PMFBP1: variants seen among roughly 807,000 people sequenced by gnomAD.
The protein encoded by PMFBP1 is polyamine modulated factor 1 binding protein 1, also known as polyamine-modulated factor 1-binding protein 1.
PMFBP1 carries 131 observed loss-of-function variants against 137.8 expected under a neutral mutation model. The observed-to-expected ratio is 0.95, with a 90% confidence interval of 0.82 to 1.10. The LOEUF (loss-of-function observed/expected upper bound fraction) is 1.10. Among genes scored for constraint, PMFBP1 ranks in the 50% least tolerant of loss-of-function variants. The pLI, the probability that PMFBP1 is intolerant of heterozygous loss-of-function variation, is 0.00. For missense variants in PMFBP1, 1,199 were observed against 1,175.4 expected, an observed-to-expected ratio of 1.02 and a Z score of -0.29; for synonymous variants, 490 against 450.4, an observed-to-expected ratio of 1.09 and a Z score of -1.11.
chr16:72,179,013 G>A (rs2043267691), upstream of PMFBP1, among the ~76,000 whole-genome samples: 1 of 152,170 alleles, frequency 6.6e-6, no homozygotes, highest in African/African-American at 2.4e-5. Flanking sequence ...CCCTGGGCTG[G>A]CACTATGCAA....
chr16:72,200,118 T>TG, the PMFBP1 span, among the ~76,000 whole-genome samples: 1 of 152,240 alleles, frequency 6.6e-6, no homozygotes, highest in Non-Finnish European at 1.5e-5. Flanking sequence ...ATGGAGCCTC[T>TG]GAGGGGCCTT....
intron 12 of PMFBP1, 54 bp downstream of exon 12, chr16:72,130,159 T>C (rs575743616): frequency 3.1e-6 from 5 of 1,599,826 alleles, no homozygotes; most frequent in East Asian, 4.5e-5. Flanking sequence ...CTAGTCTGTG[T>C]TTTATCTTAA....
chr16:72,215,399 A>G, the PMFBP1 span, among the ~76,000 whole-genome samples: 1 of 152,012 alleles, frequency 6.6e-6, no homozygotes, highest in Non-Finnish European at 1.5e-5. Context: ...TGTTTACAAA[A>G]GAATAGCCAT....
the PMFBP1 span, among the ~76,000 whole-genome samples, chr16:72,242,201 G>A: frequency 6.6e-6 from 1 of 152,168 alleles, no homozygotes; most frequent in Non-Finnish European, 1.5e-5. Context: ...CTGGCAGAAG[G>A]GATGGGATCA....
At chr16:72,172,011 G>A (rs1485671055) in intron 1 of PMFBP1, 43 bp downstream of exon 1, 1 of 152,132 alleles carries the variant, frequency 6.6e-6, no homozygotes, top group Non-Finnish European at 1.5e-5. Context: ...CATTCATTCT[G>A]TTTTTAACCC....
chr16:72,150,837 T>C lies in PMFBP1; in HGVS notation c.415-8A>G. On this transcript the variant is annotated splice_polypyrimidine_tract_variant and splice_region_variant and intron_variant, in intron 4 of 20. Transcript: ENST00000237353. ...CTCCTCATAGAGAATCACCTGTAGG[T>C]GTAGGAATAAATCCACATTGAGCCC... 6.2e-7 allele frequency: 1 copy of C among 1,609,622 alleles called. No individual in the cohort carries two copies. Among genetic ancestry groups the C allele is most frequent in the Non-Finnish European group, 8.5e-7 (1 of 1,177,576 alleles).
At chr16:72,242,991 C>G in the PMFBP1 span, among the ~76,000 whole-genome samples, 1 of 152,176 alleles carries the variant, frequency 6.6e-6, no homozygotes, top group African/African-American at 2.4e-5. Flanking sequence ...TGACTGCAAG[C>G]CTGGTGAGCT....
At chr16:72,217,989 A>G in the PMFBP1 span, among the ~76,000 whole-genome samples, 2 of 152,226 alleles carry the variant, frequency 1.3e-5, no homozygotes, top group African/African-American at 2.4e-5. Flanking sequence ...CGGGGTCAGG[A>G]AGAAATGCAC....
At chr16:72,128,295 C>A in intron 14 of PMFBP1, 2 of 1,015,854 alleles carry the variant, frequency 2.0e-6, no homozygotes, top group South Asian at 3.4e-5. Flanking sequence ...AACTGTCCCC[C>A]CTTTCATCTC....
chr16:72,215,685 G>A, the PMFBP1 span, among the ~76,000 whole-genome samples: 2 of 152,164 alleles, frequency 1.3e-5, no homozygotes, highest in Non-Finnish European at 2.9e-5. Flanking sequence ...AACAAAGTAG[G>A]TGAAACATGT....
chr16:72,169,674 AAC>A (rs34867741), intron 2 of PMFBP1, among the ~76,000 whole-genome samples: 75,037 of 150,256 alleles, frequency 0.5, 19,440 homozygotes, highest in African/African-American at 0.66. Flanking sequence ...AAGAAAGATA[AAC>A]ACACACACAC....
At chr16:72,238,823 G>A in the PMFBP1 span, among the ~76,000 whole-genome samples, 4 of 152,094 alleles carry the variant, frequency 2.6e-5, no homozygotes, top group African/African-American at 7.2e-5. Flanking sequence ...GCTCCCCATG[G>A]AGCAATGTCT....
intron 5 of PMFBP1, among the ~76,000 whole-genome samples, chr16:72,144,565 A>G (rs1164991230): frequency 3.3e-5 from 5 of 152,216 alleles, no homozygotes. Context: ...ATATTTATTT[A>G]AATAATAAAA....
intron 5 of PMFBP1, among the ~76,000 whole-genome samples, chr16:72,146,347 A>G (rs1262702200): frequency 6.6e-6 from 1 of 152,224 alleles, no homozygotes; most frequent in South Asian, 2.1e-4. Context: ...AAATCTCTCA[A>G]TAAACTAGGT....
At chr16:72,237,729 A>C in the PMFBP1 span, among the ~76,000 whole-genome samples, 1 of 152,018 alleles carries the variant, frequency 6.6e-6, no homozygotes, top group Non-Finnish European at 1.5e-5. Flanking sequence ...TGTTCTACAG[A>C]TTATTTTGTC....
chr16:72,206,252 G>A, the PMFBP1 span, among the ~76,000 whole-genome samples: 1 of 152,208 alleles, frequency 6.6e-6, no homozygotes, highest in Non-Finnish European at 1.5e-5. Flanking sequence ...GTGAGAAGTT[G>A]AAATGAGATC....
intron 5 of PMFBP1, among the ~76,000 whole-genome samples, chr16:72,141,715 T>C (rs978363343): frequency 1.3e-5 from 2 of 152,030 alleles, no homozygotes; most frequent in African/African-American, 2.4e-5. Flanking sequence ...TTTTTTTTTC[T>C]GAAACAAAGC....
chr16:72,129,349 G>A (rs1338916353), intron 12 of PMFBP1, 116 bp from the exon 13 acceptor site: 4 of 1,184,116 alleles, frequency 3.4e-6, no homozygotes, highest in East Asian at 2.4e-5. Flanking sequence ...CAATTCCTTA[G>A]TTATATAGCA....
intron 11 of PMFBP1, 26 bp downstream of exon 11, chr16:72,130,507 C>A (rs1395312994): frequency 6.2e-7 from 1 of 1,613,174 alleles, no homozygotes; most frequent in African/African-American, 1.3e-5. Flanking sequence ...GAACCTCTCT[C>A]TGGAGGGGAG....
Sources: allele counts gnomAD v4.1 joint callset (sites outside exome capture counted in the v4.1 genomes callset), GRCh38; gene constraint gnomAD v4.1.1; transcripts MANE v1.5; gene names NCBI Gene and HGNC (gene_info 2026-07-23, HGNC 2026-07-21).